The following MYOF variants were observed in gnomAD, a reference collection of about 807,000 sequenced individuals.
The protein encoded by MYOF is fer-1-like 3, myoferlin.
Under a neutral mutation model 284.2 loss-of-function variants are expected in MYOF, and 244 were observed. The observed-to-expected ratio is 0.86, with a 90% confidence interval of 0.77 to 0.95. The LOEUF is 0.95. Ranked by LOEUF, MYOF falls within the 40% of genes least tolerant of loss-of-function variation. MYOF has a pLI of 0.00. For missense variants in MYOF, 2,496 were observed against 2,560.6 expected, an observed-to-expected ratio of 0.97 and a Z score of 0.54; for synonymous variants, 904 against 919.7, an observed-to-expected ratio of 0.98 and a Z score of 0.31.
intron 25 of MYOF, among the ~76,000 whole-genome samples, chr10:93,367,101 C>A (rs929828001): frequency 6.6e-6 from 1 of 152,106 alleles, no homozygotes; most frequent in African/African-American, 2.4e-5. Context: ...CCTTTAATAC[C>A]CAGCCCTTAT....
chr10:93,436,469 T>C (rs1849124740), intron 3 of MYOF, among the ~76,000 whole-genome samples: 1 of 135,032 alleles, frequency 7.4e-6, no homozygotes, highest in Admixed American at 8.4e-5. Flanking sequence ...AAAAGAAAAC[T>C]GGATTTATTT....
Position 93,351,688 on chromosome 10 carries a change from C to T in MYOF, c.3640G>A (p.Glu1214Lys), listed in dbSNP as rs1844522733. ...VLQNPPKVIM[E>K]LFDNDQVGKD... The stretch of plus-strand genomic sequence containing the variant: ...ACCACTTGGTCATTGTCAAAAAGTT[C>T]CATGATAACTTTGGGTGGATTCTGT... Residue 1214 changes from glutamate (E) to lysine (K), a missense_variant, in exon 33 of 54, where the codon GAA (glutamate) becomes AAA (lysine). Physicochemically the swap from Glu to Lys is moderately conservative, Grantham distance 56. This residue lies in a region of MYOF where 2,436 missense variants were observed against 2,480.7 expected (regional missense o/e 0.98). Transcript: ENST00000359263. 3 of 1,586,380 alleles carry T rather than the reference C, an allele frequency of 1.9e-6. No individual in the cohort carries two copies. The highest frequency in any genetic ancestry group is 1.9e-5 in the Admixed American group (1 of 53,540).
At chr10:93,353,753 A>T in intron 32 of MYOF, 58 bp downstream of exon 32, 1 of 1,399,834 alleles carries the variant, frequency 7.1e-7, no homozygotes, top group Non-Finnish European at 9.9e-7. Context: ...CTCGAAACAC[A>T]GAAGCAAAAT....
chr10:93,328,670 G>T (rs977378283), intron 45 of MYOF, 93 bp downstream of exon 45: 1 of 1,313,494 alleles, frequency 7.6e-7, no homozygotes, highest in African/African-American at 1.4e-5. Flanking sequence ...TATAATTAGG[G>T]TACTGGCTCT....
rs1355051279 is a variant in MYOF at position 93,351,562 on chromosome 10, C to T, written c.3673G>A (p.Glu1225Lys). The change falls in exon 34 of 54, where the codon GAA (glutamate) becomes AAA (lysine). Residue 1225 changes from glutamate to lysine, a missense_variant. Around this residue, in one of 3 missense-constraint regions of MYOF, gnomAD observed 2,436 missense variants for 2,480.7 expected, o/e 0.98. Transcript: ENST00000359263. The part of the protein sequence containing the change: ...LFDNDQVGKD[E>K]FLGRSIFSPV... Reference sequence around the variant, plus strand: ...GAGAAAATGCTTCGTCCTAAAAATTCATCTTTGCCCTAGAGAAACAAAGTG... The same window carrying T: ...GAGAAAATGCTTCGTCCTAAAAATTTATCTTTGCCCTAGAGAAACAAAGTG... 1.2e-6 allele frequency: 2 copies of T among 1,614,112 alleles called. No homozygotes were observed. Among genetic ancestry groups the T allele is most frequent in the South Asian group, 1.1e-5 (1 of 91,042 alleles).
chr10:93,436,166 TA>T, intron 3 of MYOF, among the ~76,000 whole-genome samples: 1 of 152,208 alleles, frequency 6.6e-6, no homozygotes, highest in South Asian at 2.1e-4. Context: ...TAGTGGGGCT[TA>T]TGGTTAACTG....
At chr10:93,322,655 A>G (rs759981440) in intron 48 of MYOF, among the ~76,000 whole-genome samples, 7 of 152,198 alleles carry the variant, frequency 4.6e-5, no homozygotes, top group Non-Finnish European at 8.8e-5. Flanking sequence ...CCTCTTTTCC[A>G]TAGACATGGG....
chr10:93,322,259 A>G (rs904767269), intron 48 of MYOF, among the ~76,000 whole-genome samples: 1 of 152,196 alleles, frequency 6.6e-6, no homozygotes, highest in African/African-American at 2.4e-5. Context: ...CTTATCTTTC[A>G]TGTATCAAGG....
chr10:93,406,288 TTATATA>T (rs3980375), intron 7 of MYOF, among the ~76,000 whole-genome samples: 2,939 of 58,136 alleles, frequency 0.051, 293 homozygotes, highest in African/African-American at 0.092. Flanking sequence ...TAAACCTCTT[TTATATA>T]TATATATATA....
At chr10:93,451,784 G>C in intron 3 of MYOF, among the ~76,000 whole-genome samples, 1 of 152,258 alleles carries the variant, frequency 6.6e-6, no homozygotes, top group Non-Finnish European at 1.5e-5. Context: ...ATGTGAACAG[G>C]CTTCACTCTA....
intron 5 of MYOF, chr10:93,425,841 G>A (rs916124808): frequency 1.4e-5 from 8 of 570,954 alleles, no homozygotes; most frequent in South Asian, 1.2e-4. Context: ...CTCACCGTGA[G>A]GTTGTTCAGT....
intron 53 of MYOF, among the ~76,000 whole-genome samples, chr10:93,308,315 T>G (rs1333022307): frequency 6.6e-6 from 1 of 151,400 alleles, no homozygotes; most frequent in East Asian, 2.0e-4. Flanking sequence ...CCGAATGTGG[T>G]GGTTCACACC....
chr10:93,442,112 T>C (rs1227084850), intron 3 of MYOF, among the ~76,000 whole-genome samples: 1 of 151,584 alleles, frequency 6.6e-6, no homozygotes, highest in African/African-American at 2.4e-5. Context: ...TCCACATGCT[T>C]CCACTTAAAG....
intron 10 of MYOF, among the ~76,000 whole-genome samples, 169 bp from the exon 11 acceptor site, chr10:93,402,516 C>T (rs1847345450): frequency 1.3e-5 from 2 of 152,162 alleles, no homozygotes; most frequent in African/African-American, 2.4e-5. Flanking sequence ...ACTCTCCCTA[C>T]ACCCCACCCC....
At chr10:93,373,535 A>G (rs1018204373) in intron 23 of MYOF, among the ~76,000 whole-genome samples, 2 of 152,142 alleles carry the variant, frequency 1.3e-5, no homozygotes, top group African/African-American at 4.8e-5. Flanking sequence ...TTTTATTATA[A>G]AGAAGATAAT....
chr10:93,379,851 AGAG>A lies in MYOF; in HGVS notation c.2001+9_2001+11del, dbSNP rs1564665759. On this transcript the variant is annotated intron_variant, in intron 21 of 53. Transcript: ENST00000359263. ...CTTGGTGAAAAGGAAATGCAGAAAA[AGAG>A]AAACTTACCAGCCGTTCTGCCATAG... The A allele has an allele frequency of 6.2e-7, 1 of 1,613,190 alleles. No individual in the cohort carries two copies.
At chr10:93,307,935 T>C (rs1842195752) in intron 53 of MYOF, among the ~76,000 whole-genome samples, 1 of 149,206 alleles carries the variant, frequency 6.7e-6, no homozygotes, top group African/African-American at 2.5e-5. Flanking sequence ...GCCAACAGAA[T>C]CTAAATCAGG....
At chr10:93,316,196 G>A (rs892351233) in intron 50 of MYOF, among the ~76,000 whole-genome samples, 5 of 152,070 alleles carry the variant, frequency 3.3e-5, no homozygotes, top group Middle Eastern at 3.2e-3. Flanking sequence ...CAGAGCCTGG[G>A]AGAGTGAAAA....
At chr10:93,380,327 T>A (rs1252295727) in intron 20 of MYOF, among the ~76,000 whole-genome samples, 4 of 152,230 alleles carry the variant, frequency 2.6e-5, no homozygotes, top group Non-Finnish European at 5.9e-5. Flanking sequence ...CTGAACATGT[T>A]AGTCCCTAAA....
Sources: gnomAD v4.1 joint callset for allele counts (sites outside exome capture counted in the v4.1 genomes callset) on GRCh38, gnomAD v4.1.1 for gene constraint, gnomAD v4.1.1 regional missense constraint, MANE v1.5 for transcripts, NCBI Gene and HGNC (gene_info 2026-07-23, HGNC 2026-07-21) for gene names.